SLCO1A2: variants seen among roughly 807,000 people sequenced by gnomAD.
SLCO1A2 encodes OATP-1.
Under a neutral mutation model 69.0 loss-of-function variants are expected in SLCO1A2, and 67 were observed. That is an observed-to-expected ratio of 0.97 (90% CI 0.80 to 1.19). SLCO1A2 has a LOEUF of 1.19. Among genes scored for constraint, SLCO1A2 ranks in the 50% most tolerant of loss-of-function variants. The probability of loss-of-function intolerance (pLI) is 0.00; values close to 1 mark genes in which losing one functional copy is unlikely to be tolerated. For synonymous variants in SLCO1A2, 260 were observed against 265.9 expected, an observed-to-expected ratio of 0.98 and a Z score of 0.22; for missense variants, 787 against 793.7, an observed-to-expected ratio of 0.99 and a Z score of 0.10.
rs1942019076 is a variant in SLCO1A2, at chr12:21,265,884, A to C, written c.*3664T>G. Reference sequence around the variant, plus strand: ...TAAGAACCATTCTGTCAATTTCTATATTTTCTTATATAGAAATCATACTCT... The same window carrying C: ...TAAGAACCATTCTGTCAATTTCTATCTTTTCTTATATAGAAATCATACTCT... On this transcript the variant is annotated 3_prime_UTR_variant, in exon 15 of 15. Transcript: ENST00000683939. 1.3e-5 allele frequency: 2 copies of C among 152,040 alleles called. No individual in the cohort carries two copies. Among genetic ancestry groups the C allele is most frequent in the African/African-American group, 4.8e-5 (2 of 41,386 alleles). The allele number at this position is 152,040 out of a possible 1,614,324, so 9.4% of individuals were successfully genotyped here.
intron 2 of SLCO1A2, among the ~76,000 whole-genome samples, chr12:21,366,195 T>C (rs1939365521): frequency 6.6e-6 from 1 of 152,222 alleles, no homozygotes; most frequent in African/African-American, 2.4e-5. Context: ...GTGGCACATA[T>C]ACACCATGGA....
intron 1 of SLCO1A2, among the ~76,000 whole-genome samples, chr12:21,414,328 TAA>T (rs1357345355): frequency 1.3e-5 from 2 of 151,930 alleles, no homozygotes; most frequent in South Asian, 2.1e-4. Context: ...CTTAAAGTTA[TAA>T]GTTTCTCTCG....
chr12:21,295,518 G>T, intron 10 of SLCO1A2, 79 bp downstream of exon 10: 1 of 865,200 alleles, frequency 1.2e-6, no homozygotes, highest in Non-Finnish European at 1.9e-6. Flanking sequence ...AAAATGATCT[G>T]ATCGTGCATT....
Position 21,350,406 on chromosome 12 carries a change from GTTAT to G in SLCO1A2, c.-62-15701_-62-15698del, listed in dbSNP as rs139927512. Among the ~76,000 whole-genome samples the G allele has an allele frequency of 8.8e-3, 1,332 of 152,002 alleles. 16 individuals carry two copies. The highest frequency in any genetic ancestry group is 0.03 in the African/African-American group (1,236 of 41,444). On this transcript the variant is annotated intron_variant, in intron 2 of 15. Coordinates refer to the SLCO1A2 transcript ENST00000307378. ...ACAAATACAATAAGAATAAAATATG[GTTAT>G]TTAAAGTTACAAGGTAAAACATTAT...
At chr12:21,277,494 C>T (rs113314820) in intron 12 of SLCO1A2, among the ~76,000 whole-genome samples, 3 of 150,806 alleles carry the variant, frequency 2.0e-5, no homozygotes, top group African/African-American at 7.3e-5. Context: ...GTGAGAGACT[C>T]TCTGTTTGAG....
At chr12:21,326,477 C>T (rs943031240) in intron 2 of SLCO1A2, among the ~76,000 whole-genome samples, 3 of 152,186 alleles carry the variant, frequency 2.0e-5, no homozygotes, top group East Asian at 3.9e-4. Flanking sequence ...GCTCGGAAGA[C>T]AGGAAGATGT....
At chr12:21,348,459 C>T (rs1937674420) in intron 2 of SLCO1A2, among the ~76,000 whole-genome samples, 1 of 152,096 alleles carries the variant, frequency 6.6e-6, no homozygotes, top group African/African-American at 2.4e-5. Context: ...TCTACTGTTT[C>T]GATTTTTAGA....
At chr12:21,284,982 C>A (rs1356169390) in intron 12 of SLCO1A2, among the ~76,000 whole-genome samples, 1 of 102,270 alleles carries the variant, frequency 9.8e-6, no homozygotes, top group African/African-American at 4.4e-5. Flanking sequence ...CAAAAGCTAG[C>A]AGAAGGCAAG....
chr12:21,326,938 G>A (rs147234129), intron 2 of SLCO1A2, among the ~76,000 whole-genome samples: 237 of 152,244 alleles, frequency 1.6e-3, no homozygotes, highest in African/African-American at 2.0e-3. Flanking sequence ...AGAAACTTGC[G>A]TAAGTAATGA....
chr12:21,403,204 T>C (rs190130059), intron 1 of SLCO1A2, among the ~76,000 whole-genome samples: 46 of 152,252 alleles, frequency 3.0e-4, no homozygotes, highest in Admixed American at 6.5e-4. Flanking sequence ...AATCTGTATC[T>C]GTGCATGCAT....
At chr12:21,300,002 G>C (rs1948478327) in intron 8 of SLCO1A2, among the ~76,000 whole-genome samples, 1 of 149,506 alleles carries the variant, frequency 6.7e-6, no homozygotes, top group African/African-American at 2.5e-5. Context: ...GTAGATATAT[G>C]TGTGTGTACA....
chr12:21,339,811 T>A (rs1953008924), upstream of SLCO1A2, among the ~76,000 whole-genome samples: 1 of 151,800 alleles, frequency 6.6e-6, no homozygotes. Flanking sequence ...TAAAAGGAAG[T>A]CAGGTGGCAT....
intron 2 of SLCO1A2, among the ~76,000 whole-genome samples, chr12:21,319,161 T>C (rs1321740764): frequency 6.6e-6 from 1 of 152,200 alleles, no homozygotes; most frequent in African/African-American, 2.4e-5. Flanking sequence ...TTGTATAACA[T>C]ACTGGTACAT....
chr12:21,286,557 T>C (rs1945838906), intron 12 of SLCO1A2, among the ~76,000 whole-genome samples: 1 of 98,744 alleles, frequency 1.0e-5, no homozygotes, highest in Non-Finnish European at 2.1e-5. Flanking sequence ...GCCAAGTCAA[T>C]CCTAAGCCAA....
chr12:21,266,490 G>T lies in SLCO1A2; in HGVS notation c.*3058C>A, dbSNP rs1378894919. 1.3e-5 allele frequency: 2 copies of T among 151,974 alleles called. No individual in the cohort carries two copies. The highest frequency in any genetic ancestry group is 2.4e-5 in the African/African-American group (1 of 41,372). 9.4% of individuals were successfully genotyped at this position (151,974 alleles called of 1,614,324 possible). A position where few individuals can be genotyped will look rare whatever the true frequency, so the allele number is the denominator to read the frequency against. On this transcript the variant is annotated 3_prime_UTR_variant, in exon 15 of 15. Coordinates refer to ENST00000683939, the MANE Select transcript of SLCO1A2 (RefSeq NM_001386879.1). ...GAGGAAAAGTTAATGATTTTAGGAG[G>T]AGTAGTATTTTTTCAATGTAGATAA...
chr12:21,272,320 G>T (rs1174124583), intron 14 of SLCO1A2, among the ~76,000 whole-genome samples: 1 of 151,614 alleles, frequency 6.6e-6, no homozygotes, highest in Non-Finnish European at 1.5e-5. Flanking sequence ...ATTTGAAGTT[G>T]AAATATTCTA....
intron 4 of SLCO1A2, among the ~76,000 whole-genome samples, chr12:21,308,112 C>A (rs1425472981): frequency 1.3e-5 from 2 of 152,146 alleles, no homozygotes; most frequent in Non-Finnish European, 1.5e-5. Flanking sequence ...AAACTCTGAT[C>A]CCTTCAAAAA....
intron 12 of SLCO1A2, among the ~76,000 whole-genome samples, chr12:21,279,536 G>T (rs924508519): frequency 6.6e-6 from 1 of 152,178 alleles, no homozygotes; most frequent in Non-Finnish European, 1.5e-5. Context: ...TACAGGCCAA[G>T]AGAGAGTGGC....
chr12:21,270,619 T>G (rs1182045667), intron 14 of SLCO1A2, among the ~76,000 whole-genome samples: 1 of 151,736 alleles, frequency 6.6e-6, no homozygotes, highest in Admixed American at 6.6e-5. Flanking sequence ...TATCTGAACT[T>G]GGTACCTTGG....
Sources: gnomAD v4.1 joint callset for allele counts (sites outside exome capture counted in the v4.1 genomes callset) on GRCh38, gnomAD v4.1.1 for gene constraint, MANE v1.5 for transcripts, NCBI Gene and HGNC (gene_info 2026-07-23, HGNC 2026-07-21) for gene names.